GDF10: variants seen among roughly 807,000 people sequenced by gnomAD.
The protein encoded by GDF10 is growth differentiation factor 10, also known as growth/differentiation factor 10.
GDF10 carries 23 observed loss-of-function variants against 32.1 expected under a neutral mutation model. The observed-to-expected ratio is 0.72, with a 90% CI of 0.52 to 1.02. The LOEUF is 1.02. GDF10 is among the 50% of genes least tolerant of loss of function. The pLI, the probability that GDF10 is intolerant of heterozygous loss-of-function variation, is 0.00. For missense variants in GDF10, 764 were observed against 673.9 expected (o/e 1.13, Z -1.48); for synonymous variants, 328 against 303.1 (o/e 1.08, Z -0.85).
chr10:47,302,992 AT>A, intron 1 of GDF10, among the ~76,000 whole-genome samples: 1 of 152,316 alleles, frequency 6.6e-6, no homozygotes, highest in Non-Finnish European at 1.5e-5. Flanking sequence ...AGAAGTGAGG[AT>A]TAAATGGGCT....
In GDF10 at chr10:47,312,627, C is replaced by T. The variant is rs782249677; in HGVS notation, c.1272C>T (p.Thr424=). 3 of 1,593,264 alleles carry T rather than the reference C, an allele frequency of 1.9e-6. No individual in the cohort carries two copies. The highest frequency in any genetic ancestry group is 1.2e-5 in the South Asian group (1 of 86,924). Residue 424 remains threonine (T), a synonymous_variant, in exon 3 of 3, where the codon ACC becomes ACT. Coordinates refer to ENST00000580279, the MANE Select transcript of GDF10 (RefSeq NM_004962.5). ...TCGTTCGTCCATCCAACCATGCCAC[C>T]ATCCAGAGCATTGTCAGGGCTGTGG... ...PKIVRPSNHA[T]IQSIVRAVGI... is the part of the protein sequence containing the mutation.
rs782541757 is a variant in GDF10 at position 47,300,929 on chromosome 10, C to A, written c.278C>A (p.Pro93Gln). 1 of 1,543,330 alleles carries A rather than the reference C, an allele frequency of 6.5e-7. No individual in the cohort carries two copies. Among genetic ancestry groups the A allele is most frequent in the Non-Finnish European group, 8.7e-7 (1 of 1,151,890 alleles). ...AAGTACAGCCGGCAGGGCGCGCGGC[C>A]GGGAGGGGGCAACACGGTCCGCAGC... ...YEKYSRQGAR[P>Q]GGGNTVRSFR... The change falls in exon 1 of 3, where the codon CCG becomes CAG. Residue 93 changes from proline to glutamine, a missense_variant. Coordinates refer to ENST00000580279, the MANE Select transcript of GDF10 (RefSeq NM_004962.5).
rs546431171 is a variant in GDF10 at position 47,309,914 on chromosome 10, C to T, written c.438C>T (p.Leu146=). ...YSEPPRWPRA[L]EVLCKPRAKN... is the part of the protein sequence containing the mutation. ...AGCCGCCTCGGTGGCCTCGAGCGCTCGAGGTGCTATGCAAGCCGCGGGCCA... is the reference window on the plus strand; with the variant it reads ...AGCCGCCTCGGTGGCCTCGAGCGCTTGAGGTGCTATGCAAGCCGCGGGCCA... Residue 146 remains leucine (L), a synonymous_variant, in exon 2 of 3, where the codon CTC becomes CTT. Coordinates refer to ENST00000580279, the MANE Select transcript of GDF10 (RefSeq NM_004962.5). The T allele has an allele frequency of 5.0e-6, 8 of 1,612,702 alleles. No homozygotes were observed. The highest frequency in any genetic ancestry group is 4.0e-5 in the African/African-American group (3 of 74,912).
chr10:47,300,835 G>T lies in GDF10; in HGVS notation c.184G>T (p.Asp62Tyr). The T allele has an allele frequency of 6.3e-7, 1 of 1,575,162 alleles. No homozygotes were observed. Among genetic ancestry groups the T allele is most frequent in the East Asian group, 2.3e-5 (1 of 43,210 alleles). The part of the protein sequence containing the change: ...GDRDLQRHPG[D>Y]AAATLGPSAQ... ...CAGGGATCTCCAGCGGCACCCTGGG[G>T]ACGCGGCCGCCACGTTGGGCCCCAG... Residue 62 changes from aspartate (D) to tyrosine (Y), a missense_variant, in exon 1 of 3, where the codon GAC (aspartate) becomes TAC (tyrosine). Asp to Tyr is a radical substitution (Grantham distance 160). Coordinates refer to ENST00000580279, the MANE Select transcript of GDF10 (RefSeq NM_004962.5).
At chr10:47,312,010 C>A (rs2132227475) in intron 2 of GDF10, among the ~76,000 whole-genome samples, 1 of 152,328 alleles carries the variant, frequency 6.6e-6, no homozygotes, top group East Asian at 1.9e-4. Flanking sequence ...TCATTTTAAA[C>A]CTCGGTGTCT....
intron 1 of GDF10, among the ~76,000 whole-genome samples, chr10:47,305,369 A>G (rs916619032): frequency 3.5e-4 from 53 of 152,336 alleles, no homozygotes; most frequent in African/African-American, 1.2e-3. Flanking sequence ...CTGAGGCACA[A>G]AGTGGCTCCA....
chr10:47,309,798 G>C lies in GDF10; in HGVS notation c.322G>C (p.Val108Leu), dbSNP rs782498207. The change falls in exon 2 of 3, where the codon GTG becomes CTG. Residue 108 changes from valine to leucine, a missense_variant and splice_region_variant. Physicochemically the swap from Val to Leu is conservative, Grantham distance 32. Transcript: ENST00000580279. ...TGTGGTCTCTCCTTCCCTCACAGAA[G>C]TGGTCGACCAGAAGGCCGTGTATTT... ...TVRSFRARLE[V>L]VDQKAVYFFN... The C allele has an allele frequency of 6.2e-7, 1 of 1,602,164 alleles. No individual in the cohort carries two copies. Among genetic ancestry groups the C allele is most frequent in the South Asian group, 1.1e-5 (1 of 90,486 alleles).
chr10:47,312,566 A>G lies in GDF10; in HGVS notation c.1246-35A>G, dbSNP rs577371557. The G allele has an allele frequency of 8.2e-6, 12 of 1,457,780 alleles. No homozygotes were observed. The African/African-American group carries it at 1.5e-4, about 19-fold the overall frequency. 90.3% of individuals were successfully genotyped at this position (1,457,780 alleles called of 1,614,324 possible). Reference sequence around the variant, plus strand: ...TGGGTGCGTGGGTGGGTGAGGGCGGAGCTGAGGTAACCCTACTCCTTTTCT... The same window carrying G: ...TGGGTGCGTGGGTGGGTGAGGGCGGGGCTGAGGTAACCCTACTCCTTTTCT... On this transcript the variant is annotated intron_variant, in intron 2 of 2. Coordinates refer to ENST00000580279, the MANE Select transcript of GDF10 (RefSeq NM_004962.5).
Position 47,312,646 on chromosome 10 carries a change from G to T in GDF10, c.1291G>T (p.Ala431Ser). Reference sequence around the variant, plus strand: ...TGCCACCATCCAGAGCATTGTCAGGGCTGTGGGCATCATCCCTGGCATCCC... The same window carrying T: ...TGCCACCATCCAGAGCATTGTCAGGTCTGTGGGCATCATCCCTGGCATCCC... ...NHATIQSIVR[A>S]VGIIPGIPEP... Residue 431 changes from alanine (A) to serine (S), a missense_variant, in exon 3 of 3, where the codon GCT becomes TCT. Physicochemically the swap from Ala to Ser is moderately conservative, Grantham distance 99 (BLOSUM62 1). Coordinates refer to ENST00000580279, the MANE Select transcript of GDF10 (RefSeq NM_004962.5). 1 of 1,608,246 alleles carries T rather than the reference G, an allele frequency of 6.2e-7. No individual in the cohort carries two copies. The highest frequency in any genetic ancestry group is 8.5e-7 in the Non-Finnish European group (1 of 1,177,034).
At position 47,300,796 on chromosome 10, in the gene GDF10, G is replaced by C; in HGVS notation, c.145G>C (p.Gly49Arg). ...GTCCGCACTGCCCGCGGCCGCCGAC[G>C]GCCTGCAGGGGGACAGGGATCTCCA... ...AWSALPAAAD[G>R]LQGDRDLQRH... is the part of the protein sequence containing the mutation. The change falls in exon 1 of 3, where the codon GGC becomes CGC. Residue 49 changes from glycine to arginine, a missense_variant. Transcript: ENST00000580279. 6.4e-7 allele frequency: 1 copy of C among 1,566,630 alleles called. No homozygotes were observed. The highest frequency in any genetic ancestry group is 8.6e-7 in the Non-Finnish European group (1 of 1,161,968).
rs782314429 is a variant in GDF10, at chr10:47,310,326, G to A, written c.850G>A (p.Ala284Thr). Reference protein sequence around the residue: ...PEPRAAPNNSADPRVRRAAQA... With the variant: ...PEPRAAPNNSTDPRVRRAAQA... ...GCCCCGCGCAGCCCCCAACAACTCA[G>A]CGGACCCCCGCGTGCGCCGAGCCGC... Residue 284 changes from alanine to threonine, a missense_variant, in exon 2 of 3, where the codon GCG (alanine) becomes ACG (threonine). Physicochemically the swap from Ala to Thr is moderately conservative, Grantham distance 58. Transcript: ENST00000580279. 1 of 1,605,950 alleles carries A rather than the reference G, an allele frequency of 6.2e-7. No homozygotes were observed. Among genetic ancestry groups the A allele is most frequent in the Non-Finnish European group, 8.5e-7 (1 of 1,176,866 alleles).
chr10:47,312,312 C>T (rs2061049364), intron 2 of GDF10, among the ~76,000 whole-genome samples: 1 of 152,202 alleles, frequency 6.6e-6, no homozygotes, highest in Non-Finnish European at 1.5e-5. Context: ...CAGGCGCCCC[C>T]ATGTGGCCCT....
chr10:47,310,746 A>C (rs781950129), intron 2 of GDF10, 25 bp downstream of exon 2: 1 of 1,524,534 alleles, frequency 6.6e-7, no homozygotes. Context: ...GCCTTTTGCC[A>C]AATTCTAAGG....
Position 47,300,868 on chromosome 10 carries a change from G to T in GDF10, c.217G>T (p.Asp73Tyr). ...AAATLGPSAQDMVAVHMHRLY... is the reference protein window; with the variant it reads ...AAATLGPSAQYMVAVHMHRLY... ...CGCCACGTTGGGCCCCAGCGCCCAG[G>T]ACATGGTCGCTGTCCACATGCACAG... Residue 73 changes from aspartate to tyrosine, a missense_variant, in exon 1 of 3, where the codon GAC (aspartate) becomes TAC (tyrosine). Coordinates refer to ENST00000580279, the MANE Select transcript of GDF10 (RefSeq NM_004962.5). The T allele has an allele frequency of 6.3e-7, 1 of 1,587,950 alleles. No homozygotes were observed. The highest frequency in any genetic ancestry group is 1.1e-5 in the South Asian group (1 of 88,644).
At chr10:47,312,529 G>C in intron 2 of GDF10, 72 bp from the exon 3 acceptor site, 1 of 921,994 alleles carries the variant, frequency 1.1e-6, no homozygotes, top group Non-Finnish European at 1.6e-6. Flanking sequence ...GCCTGGGACT[G>C]TGAGGATGGC....
intron 1 of GDF10, among the ~76,000 whole-genome samples, chr10:47,306,293 G>C (rs1188317799): frequency 6.6e-6 from 1 of 152,230 alleles, no homozygotes; most frequent in Non-Finnish European, 1.5e-5. Context: ...CTAAACACCT[G>C]GGTGCCCACT....
chr10:47,310,012 A>G lies in GDF10; in HGVS notation c.536A>G (p.Gln179Arg), dbSNP rs1419624167. The G allele has an allele frequency of 1.2e-6, 2 of 1,609,520 alleles. No individual in the cohort carries two copies. Among genetic ancestry groups the G allele is most frequent in the Middle Eastern group, 1.7e-4 (1 of 6,050 alleles). ...CACCTGCTCTTCCGCAGCCTCTCGC[A>G]GAACACGGCCACACAGGGGCTACTC... ...RQHLLFRSLS[Q>R]NTATQGLLRG... The change falls in exon 2 of 3, where the codon CAG (glutamine) becomes CGG (arginine). Residue 179 changes from glutamine to arginine, a missense_variant. Transcript: ENST00000580279.
intron 1 of GDF10, among the ~76,000 whole-genome samples, chr10:47,305,987 G>T (rs935804677): frequency 4.6e-5 from 7 of 152,178 alleles, no homozygotes; most frequent in African/African-American, 1.7e-4. Context: ...CAGAACACAT[G>T]GAGGAGCAAA....
At chr10:47,311,584 T>C (rs1480322749) in intron 2 of GDF10, among the ~76,000 whole-genome samples, 3 of 152,260 alleles carry the variant, frequency 2.0e-5, no homozygotes, top group African/African-American at 7.2e-5. Flanking sequence ...GGGAATTAAA[T>C]GGCTTCTCCT....
Sources: allele counts gnomAD v4.1 joint callset (sites outside exome capture counted in the v4.1 genomes callset), GRCh38; gene constraint gnomAD v4.1.1; transcripts MANE v1.5; gene names NCBI Gene and HGNC (gene_info 2026-07-23, HGNC 2026-07-21).